IL3RA: variants seen among roughly 807,000 people sequenced by gnomAD.
The protein encoded by IL3RA is interleukin 3 receptor subunit alpha.
A neutral mutation model predicts 52.3 loss-of-function variants in IL3RA; 73 were observed. That is an observed-to-expected ratio of 1.40 (90% CI 1.16 to 1.70). The LOEUF (loss-of-function observed/expected upper bound fraction) is 1.70, where lower values mean the gene tolerates loss of function less well. Among genes scored for constraint, IL3RA ranks in the 40% most tolerant of loss-of-function variants. The probability of loss-of-function intolerance (pLI) is 0.00; values close to 1 mark genes in which losing one functional copy is unlikely to be tolerated. For synonymous variants in IL3RA, 260 were observed against 194.0 expected, an observed-to-expected ratio of 1.34 and a Z score of -2.83; for missense variants, 664 against 504.4, an observed-to-expected ratio of 1.32 and a Z score of -3.03.
chrX:1,351,390 G>A (rs1212560753), intron 4 of IL3RA, among the ~76,000 whole-genome samples: 3 of 151,918 alleles, frequency 2.0e-5, no homozygotes, highest in Admixed American at 6.6e-5. Context: ...GTGCAGTGAC[G>A]TGGCCTGGGC....
chrX:1,378,650 T>A lies in IL3RA; in HGVS notation c.875-9T>A. 1 of 1,611,084 alleles carries A rather than the reference T, an allele frequency of 6.2e-7. No homozygotes were observed. Among genetic ancestry groups the A allele is most frequent in the Non-Finnish European group, 8.5e-7 (1 of 1,179,014 alleles). ...CCCGGTCTGTGACCCTCTCACCCTT[T>A]ACCCCTAGAGTGCGACCAGGAGGAG... On this transcript the variant is annotated splice_polypyrimidine_tract_variant and intron_variant, in intron 9 of 11. Transcript: ENST00000331035.
chrX:1,347,664 C>G lies in IL3RA; in HGVS notation c.184-767C>G, dbSNP rs190503725. On this transcript the variant is annotated intron_variant, in intron 3 of 11. Coordinates refer to ENST00000331035, the MANE Select transcript of IL3RA (RefSeq NM_002183.4). ...AAAAAACAAACAAACAAGAAAAAAA[C>G]AAAGCAAAACAAACAGAAAAGTATT... Among the ~76,000 whole-genome samples, 10 of 151,624 alleles carry G rather than the reference C, an allele frequency of 6.6e-5. No individual in the cohort carries two copies. In the East Asian group the frequency reaches 1.7e-3, roughly 26 times the overall value.
At chrX:1,348,301 C>T (rs752500548) in intron 3 of IL3RA, 130 bp from the exon 4 acceptor site, 390 of 726,692 alleles carry the variant, frequency 5.4e-4, no homozygotes, top group Non-Finnish European at 8.1e-4. Flanking sequence ...TGCAGTGAGC[C>T]GAGATCACGC....
At chrX:1,364,461 A>G (rs2087751595) in intron 8 of IL3RA, among the ~76,000 whole-genome samples, 1 of 152,184 alleles carries the variant, frequency 6.6e-6, no homozygotes, top group African/African-American at 2.4e-5. Context: ...ACTGCACTCC[A>G]GCCTGGGCAA....
intron 8 of IL3RA, among the ~76,000 whole-genome samples, chrX:1,363,920 C>G (rs1482326746): frequency 2.6e-5 from 4 of 151,862 alleles, no homozygotes; most frequent in African/African-American, 7.2e-5. Context: ...CGGTGGCTCA[C>G]GCTGGTAATC....
rs762240401 is a variant in IL3RA, at chrX:1,382,465, A to G, written c.1137A>G (p.Ter379TrpextTer?). 3 of 1,613,662 alleles carry G rather than the reference A, an allele frequency of 1.9e-6. No individual in the cohort carries two copies. Among genetic ancestry groups the G allele is most frequent in the South Asian group, 1.1e-5 (1 of 91,074 alleles). ...AAGTACAGGTCGTGCAGAAAACTTGAGACTGGGGTTCAGGGCTTGTGGGGG... is the reference window on the plus strand; with the variant it reads ...AAGTACAGGTCGTGCAGAAAACTTGGGACTGGGGTTCAGGGCTTGTGGGGG... ...VTEVQVVQKT[*>W] The change falls in exon 12 of 12, where the codon TGA becomes TGG. Residue 379 changes from the stop codon to tryptophan, a stop_lost. Coordinates refer to ENST00000331035, the MANE Select transcript of IL3RA (RefSeq NM_002183.4).
At chrX:1,368,114 C>T (rs1345674369) in intron 9 of IL3RA, among the ~76,000 whole-genome samples, 2 of 152,046 alleles carry the variant, frequency 1.3e-5, no homozygotes, top group Non-Finnish European at 2.9e-5. Flanking sequence ...AACAAATTAG[C>T]CAGGCGTGGT....
chrX:1,345,853 TG>T (rs1316054080), intron 3 of IL3RA, among the ~76,000 whole-genome samples: 3 of 151,932 alleles, frequency 2.0e-5, no homozygotes, highest in African/African-American at 7.3e-5. Flanking sequence ...GAACCAATAC[TG>T]CTCCCATCGC....
At chrX:1,363,254 A>G (rs2087606817) in intron 8 of IL3RA, among the ~76,000 whole-genome samples, 1 of 151,194 alleles carries the variant, frequency 6.6e-6, no homozygotes, top group African/African-American at 2.4e-5. Flanking sequence ...GGGGATCACA[A>G]TGCAGCCTCA....
intron 10 of IL3RA, among the ~76,000 whole-genome samples, chrX:1,379,024 G>C (rs2088994093): frequency 6.6e-6 from 1 of 151,922 alleles, no homozygotes; most frequent in Non-Finnish European, 1.5e-5. Context: ...TGTATTTTTA[G>C]TAGAGACGGG....
intron 2 of IL3RA, among the ~76,000 whole-genome samples, chrX:1,344,144 C>T (rs2085622491): frequency 6.6e-6 from 1 of 152,026 alleles, no homozygotes; most frequent in Non-Finnish European, 1.5e-5. Context: ...CATAGAACTC[C>T]ACTTCCCAGC....
At chrX:1,356,399 C>T (rs1337818066) in intron 7 of IL3RA, 63 bp downstream of exon 7, 6 of 972,130 alleles carry the variant, frequency 6.2e-6, no homozygotes, top group Non-Finnish European at 9.3e-6. Flanking sequence ...TTTGGTAAGT[C>T]GCACTCTGGG....
At chrX:1,381,211 C>A in intron 11 of IL3RA, 107 bp downstream of exon 11, 1 of 939,376 alleles carries the variant, frequency 1.1e-6, no homozygotes, top group Non-Finnish European at 1.7e-6. Context: ...CCAGCCTGGC[C>A]AACATGGAGA....
At chrX:1,377,208 G>T (rs1263046745) in intron 9 of IL3RA, among the ~76,000 whole-genome samples, 1 of 152,188 alleles carries the variant, frequency 6.6e-6, no homozygotes, top group Non-Finnish European at 1.5e-5. Flanking sequence ...AGGACTGTGG[G>T]AGAATCAATT....
chrX:1,339,133 C>T (rs2085399048), intron 1 of IL3RA, among the ~76,000 whole-genome samples: 1 of 151,550 alleles, frequency 6.6e-6, no homozygotes, highest in African/African-American at 2.4e-5. Context: ...AGCCACCGCG[C>T]CTGGCCAATG....
intron 10 of IL3RA, among the ~76,000 whole-genome samples, chrX:1,379,074 C>T (rs1305122130): frequency 6.6e-6 from 1 of 152,102 alleles, no homozygotes; most frequent in Non-Finnish European, 1.5e-5. Flanking sequence ...AATTCCTGGA[C>T]TCAGGTGATC....
At chrX:1,356,468 A>AAAC in intron 7 of IL3RA, 132 bp downstream of exon 7, 1 of 633,746 alleles carries the variant, frequency 1.6e-6, no homozygotes, top group Non-Finnish European at 2.8e-6. Context: ...GATCATTAAA[A>AAAC]AACAAAAACA....
chrX:1,348,690 C>CTTTCTT (rs1224805023), intron 4 of IL3RA, 145 bp downstream of exon 4: 1 of 480,248 alleles, frequency 2.1e-6, no homozygotes, highest in Non-Finnish European at 3.6e-6. Flanking sequence ...TTCTTTCTTT[C>CTTTCTT]TTTTTCTTTC....
Position 1,348,503 on chromosome X carries a change from G to T in IL3RA, c.256G>T (p.Ala86Ser). ...AGTGACCAACTACACCGTCCGAGTG[G>T]CCAACCCACCATTCTCCACGTGGAT... ...CEVTNYTVRV[A>S]NPPFSTWILF... The change falls in exon 4 of 12, where the codon GCC becomes TCC. Residue 86 changes from alanine to serine, a missense_variant. Physicochemically the swap from Ala to Ser is moderately conservative, Grantham distance 99 (BLOSUM62 1). Coordinates refer to ENST00000331035, the MANE Select transcript of IL3RA (RefSeq NM_002183.4). The T allele has an allele frequency of 6.2e-7, 1 of 1,613,818 alleles. No homozygotes were observed. Among genetic ancestry groups the T allele is most frequent in the Non-Finnish European group, 8.5e-7 (1 of 1,179,834 alleles).
Sources: gnomAD v4.1 joint callset for allele counts (sites outside exome capture counted in the v4.1 genomes callset) on GRCh38, gnomAD v4.1.1 for gene constraint, MANE v1.5 for transcripts, NCBI Gene and HGNC (gene_info 2026-07-23, HGNC 2026-07-21) for gene names.